The following MCTP1 variants were observed in gnomAD, a reference collection of about 807,000 sequenced individuals.
The protein encoded by MCTP1 is multiple C2 and transmembrane domain-containing protein 1.
MCTP1 carries 69 observed loss-of-function variants against 120.6 expected under a neutral mutation model. The ratio of observed to expected loss-of-function variants is 0.57; its 90% confidence interval spans 0.47 to 0.70. The LOEUF (loss-of-function observed/expected upper bound fraction) is 0.70, where lower values mean the gene tolerates loss of function less well. Ranked by LOEUF, MCTP1 falls within the 30% of genes least tolerant of loss-of-function variation. MCTP1 has a pLI of 0.00. For synonymous variants in MCTP1, 529 were observed against 493.1 expected (o/e 1.07, Z -0.96); for missense variants, 1,203 against 1,248.8 (o/e 0.96, Z 0.55).
In MCTP1 at chr5:95,037,917, T is replaced by C. The variant is rs1279447809; in HGVS notation, c.721-20433A>G. On this transcript the variant is annotated intron_variant, in intron 1 of 22. Transcript: ENST00000515393. Reference sequence around the variant, plus strand: ...AACAACAACCACCACCACCTACTTATTCTCTGCTGTTTCTATCCTTTGATG... The same window carrying C: ...AACAACAACCACCACCACCTACTTACTCTCTGCTGTTTCTATCCTTTGATG... 2.0e-5 allele frequency among the ~76,000 whole-genome samples: 3 copies of C among 152,164 alleles called. 1 individual carries two copies. The highest frequency in any genetic ancestry group is 7.2e-5 in the African/African-American group (3 of 41,438).
At position 94,707,062 on chromosome 5, in the gene MCTP1, A is replaced by ATAGAAAAGTGTAATGGATTACTTT. The variant is rs1754799893; in HGVS notation, c.*410_*433dup. The ATAGAAAAGTGTAATGGATTACTTT allele has an allele frequency of 6.5e-6, 1 of 152,908 alleles. No individual in the cohort carries two copies. Among genetic ancestry groups the ATAGAAAAGTGTAATGGATTACTTT allele is most frequent in the Non-Finnish European group, 1.5e-5 (1 of 68,708 alleles). The allele number at this position is 152,908 out of a possible 1,614,324, so 9.5% of individuals were successfully genotyped here. ...CCCTCCCTTTTGAAATGTATAAAAC[A>ATAGAAAAGTGTAATGGATTACTTT]TAGAAAAGTGTAATGGATTACTTTT... On this transcript the variant is annotated 3_prime_UTR_variant, in exon 23 of 23. Coordinates refer to ENST00000515393, the MANE Select transcript of MCTP1 (RefSeq NM_024717.7).
At chr5:95,239,298 T>C (rs1479856707) in intron 1 of MCTP1, among the ~76,000 whole-genome samples, 1 of 152,154 alleles carries the variant, frequency 6.6e-6, no homozygotes, top group Non-Finnish European at 1.5e-5. Flanking sequence ...TGACCACAAT[T>C]AGCCCAAATT....
Position 94,765,865 on chromosome 5 carries a change from T to C in MCTP1, c.2610+13245A>G, listed in dbSNP as rs562380247. Among the ~76,000 whole-genome samples the C allele has an allele frequency of 4.0e-5, 6 of 150,336 alleles. No individual in the cohort carries two copies. In the South Asian group the frequency reaches 1.3e-3, roughly 32 times the overall value. On this transcript the variant is annotated intron_variant, in intron 19 of 22. Transcript: ENST00000515393. ...AAAGACTCAAATAAATAAATCAGAA[T>C]TGAAAAAAGACATTATAACTGATAC...
chr5:95,100,697 C>T (rs183959224), intron 1 of MCTP1, among the ~76,000 whole-genome samples: 1 of 152,308 alleles, frequency 6.6e-6, no homozygotes, highest in East Asian at 1.9e-4. Flanking sequence ...TGAGAGGCCA[C>T]AGCACCTAGC....
At chr5:94,934,703 C>A (rs781720274) in intron 5 of MCTP1, among the ~76,000 whole-genome samples, 8 of 147,056 alleles carry the variant, frequency 5.4e-5, no homozygotes, top group Non-Finnish European at 9.0e-5. Flanking sequence ...TGTAATAATT[C>A]TGAAGAATAT....
rs764693992 is a variant in MCTP1 at position 94,824,606 on chromosome 5, G to C, written c.2437-25474C>G. 1.8e-4 allele frequency among the ~76,000 whole-genome samples: 28 copies of C among 152,196 alleles called. 1 individual carries two copies. Among genetic ancestry groups the C allele is most frequent in the Non-Finnish European group, 3.4e-4 (23 of 68,042 alleles). On this transcript the variant is annotated intron_variant, in intron 17 of 22. Coordinates refer to ENST00000515393, the MANE Select transcript of MCTP1 (RefSeq NM_024717.7). ...CTATTGCTTGGAATAGTTTCAGAAG[G>C]AATGGTTACCAGCTCCTCTTTGTAC...
chr5:94,738,283 G>A (rs1005929014), intron 19 of MCTP1, among the ~76,000 whole-genome samples: 3 of 152,028 alleles, frequency 2.0e-5, no homozygotes, highest in Non-Finnish European at 4.4e-5. Flanking sequence ...TTGCCTTATC[G>A]TTGTGGTCCT....
At chr5:94,931,416 A>C (rs1429530681) in intron 6 of MCTP1, 1 of 152,172 alleles carries the variant, frequency 6.6e-6, no homozygotes, top group Non-Finnish European at 1.5e-5. Flanking sequence ...CATATCTTAC[A>C]AGTTGAAGAA....
intron 1 of MCTP1, among the ~76,000 whole-genome samples, chr5:95,116,730 T>A (rs750087945): frequency 1.3e-4 from 20 of 152,292 alleles, no homozygotes; most frequent in Non-Finnish European, 1.9e-4. Context: ...GGTTTGTAGT[T>A]CTCCTTGAAG....
At chr5:95,091,244 T>C (rs202204710) in intron 1 of MCTP1, among the ~76,000 whole-genome samples, 6 of 152,350 alleles carry the variant, frequency 3.9e-5, no homozygotes, top group Admixed American at 3.3e-4. Context: ...TCCCCTTCAA[T>C]GCCCTGTCCA....
At chr5:94,844,533 A>G (rs1791885131) in intron 17 of MCTP1, among the ~76,000 whole-genome samples, 1 of 152,106 alleles carries the variant, frequency 6.6e-6, no homozygotes, top group Admixed American at 6.6e-5. Flanking sequence ...TAAGAGTAAT[A>G]AAACCTGTGA....
chr5:94,943,229 G>A (rs1201078604), intron 3 of MCTP1, among the ~76,000 whole-genome samples: 1 of 151,992 alleles, frequency 6.6e-6, no homozygotes, highest in Admixed American at 6.6e-5. Context: ...GAGGAGACCA[G>A]GAACTCCTCT....
At chr5:94,994,612 T>A (rs1196070635) in intron 2 of MCTP1, among the ~76,000 whole-genome samples, 1 of 152,120 alleles carries the variant, frequency 6.6e-6, no homozygotes. Flanking sequence ...AGTGTGTGTA[T>A]GTTGAGGGGT....
At chr5:95,102,220 A>G (rs928606446) in intron 1 of MCTP1, among the ~76,000 whole-genome samples, 4 of 152,098 alleles carry the variant, frequency 2.6e-5, no homozygotes, top group South Asian at 2.1e-4. Context: ...AAACTTGCCT[A>G]TGTGAACCAG....
intron 17 of MCTP1, among the ~76,000 whole-genome samples, chr5:94,857,842 T>C (rs1001775800): frequency 6.6e-6 from 1 of 151,730 alleles, no homozygotes; most frequent in African/African-American, 2.4e-5. Context: ...TCAAATATCA[T>C]CTCAAAATAT....
At position 94,808,671 on chromosome 5, in the gene MCTP1, C is replaced by A. The variant is rs748775002; in HGVS notation, c.2437-9539G>T. 1.9e-4 allele frequency among the ~76,000 whole-genome samples: 29 copies of A among 152,170 alleles called. No individual in the cohort carries two copies. The Middle Eastern group carries it at 0.014, about 72-fold the overall frequency. On this transcript the variant is annotated intron_variant, in intron 17 of 22. Transcript: ENST00000515393. ...GTGTAGAGGAAAAAAAATCAAAGTG[C>A]ACTATCTACCAAATGACTCTATATT...
At chr5:94,764,828 CAAAAAAAAAAA>C (rs57246943) in intron 19 of MCTP1, among the ~76,000 whole-genome samples, 2 of 90,972 alleles carry the variant, frequency 2.2e-5, no homozygotes, top group East Asian at 3.1e-4. Flanking sequence ...TGACCTGGAC[CAAAAAAAAAAA>C]AAAAAAAAAA....
rs1797213585 is a variant in MCTP1 at position 94,868,362 on chromosome 5, A to T, written c.2407T>A (p.Ser803Thr). Reference protein sequence around the residue: ...YYVNSCFDWDSPPRSLAAFVL... With the variant: ...YYVNSCFDWDTPPRSLAAFVL... ...AAAGCAGCGAGACTCCTTGGGGGTGAATCCCAATCAAAGCAACTATTAACG... is the reference window on the plus strand; with the variant it reads ...AAAGCAGCGAGACTCCTTGGGGGTGTATCCCAATCAAAGCAACTATTAACG... The change falls in exon 17 of 23, where the codon TCA becomes ACA. Residue 803 changes from serine to threonine, a missense_variant. This residue lies in a region of MCTP1 where 740 missense variants were observed against 871.1 expected (regional missense o/e 0.85). Transcript: ENST00000515393. 2 of 1,606,912 alleles carry T rather than the reference A, an allele frequency of 1.2e-6. No individual in the cohort carries two copies. Among genetic ancestry groups the T allele is most frequent in the Non-Finnish European group, 1.7e-6 (2 of 1,176,698 alleles).
intron 1 of MCTP1, among the ~76,000 whole-genome samples, chr5:95,131,316 T>C (rs746747231): frequency 3.9e-5 from 6 of 152,176 alleles, no homozygotes; most frequent in Admixed American, 6.5e-5. Flanking sequence ...CATTTGTTAA[T>C]TGTGTTTCAG....
Sources: gnomAD v4.1 joint callset for allele counts (sites outside exome capture counted in the v4.1 genomes callset) on GRCh38, gnomAD v4.1.1 for gene constraint, gnomAD v4.1.1 regional missense constraint, MANE v1.5 for transcripts, NCBI Gene and HGNC (gene_info 2026-07-23, HGNC 2026-07-21) for gene names.